Variants in PPM1M observed in about 807,000 individuals in gnomAD.
PPM1M encodes the protein protein phosphatase 1M.
A neutral mutation model predicts 50.8 loss-of-function variants in PPM1M; 44 were observed. The observed-to-expected ratio is 0.87, with a 90% CI of 0.68 to 1.11. PPM1M has a LOEUF of 1.11. Ranked by LOEUF, PPM1M falls within the 50% of genes most tolerant of loss-of-function variation. PPM1M has a pLI of 0.00. For missense variants in PPM1M, 556 were observed against 593.4 expected (o/e 0.94, Z 0.66); for synonymous variants, 224 against 242.9 (o/e 0.92, Z 0.72).
At position 52,249,792 on chromosome 3, in the gene PPM1M, G is replaced by A. The variant is rs61741651; in HGVS notation, c.1358G>A (p.Gly453Asp). The change falls in exon 10 of 10, where the codon GGC becomes GAC. Residue 453 changes from glycine to aspartate, a missense_variant. By Grantham distance (94) the Gly-to-Asp change is moderately conservative. Transcript: ENST00000323588. Reference protein sequence around the residue: ...SVFVIPLHSQGQESSDH With the variant: ...SVFVIPLHSQDQESSDH Reference sequence around the variant, plus strand: ...TTCGTGATTCCCTTGCACAGTCAGGGCCAAGAGAGCAGTGACCACTGAGGA... The same window carrying A: ...TTCGTGATTCCCTTGCACAGTCAGGACCAAGAGAGCAGTGACCACTGAGGA... 6.7e-4 allele frequency: 1,086 copies of A among 1,613,534 alleles called. 12 individuals are homozygous for A. In the African/African-American group the frequency reaches 0.013, roughly 20 times the overall value.
At chr3:52,248,906 T>G in intron 7 of PPM1M, 50 bp from the exon 8 acceptor site, 1 of 1,436,098 alleles carries the variant, frequency 7.0e-7, no homozygotes, top group South Asian at 1.2e-5. Flanking sequence ...CTGGTACTTG[T>G]GCATTTGCTG....
rs537596327 is a variant in PPM1M at position 52,250,105 on chromosome 3, G to C, written c.*291G>C. The C allele has an allele frequency of 5.5e-6, 2 of 365,690 alleles. No homozygotes were observed. The highest frequency in any genetic ancestry group is 8.2e-5 in the South Asian group (2 of 24,398). 22.7% of individuals were successfully genotyped at this position (365,690 alleles called of 1,614,324 possible). ...AAACCCATGTGAGGCTCCTCAGACA[G>C]GATCTTGAACAGCCCAAAGTATCAT... On this transcript the variant is annotated 3_prime_UTR_variant, in exon 10 of 10. Transcript: ENST00000323588.
Position 52,249,286 on chromosome 3 carries a change from G to A in PPM1M, c.1199G>A (p.Arg400Gln), listed in dbSNP as rs148260427. Reference sequence around the variant, plus strand: ...AACGAGCAGGTGGCATGGCTGGTGCGGAGCTTCCTCCCTGGGAACCAAGAG... The same window carrying A: ...AACGAGCAGGTGGCATGGCTGGTGCAGAGCTTCCTCCCTGGGAACCAAGAG... Reference protein sequence around the residue: ...LSNEQVAWLVRSFLPGNQEDP... With the variant: ...LSNEQVAWLVQSFLPGNQEDP... The change falls in exon 9 of 10, where the codon CGG becomes CAG. Residue 400 changes from arginine (R) to glutamine (Q), a missense_variant. Transcript: ENST00000323588. 1.9e-5 allele frequency: 30 copies of A among 1,611,280 alleles called. No individual in the cohort carries two copies. Among genetic ancestry groups the A allele is most frequent in the African/African-American group, 8.0e-5 (6 of 74,886 alleles).
Position 52,249,142 on chromosome 3 carries a change from G to T in PPM1M, c.1087-32G>T, listed in dbSNP as rs369019328. 6.8e-6 allele frequency: 11 copies of T among 1,612,732 alleles called. No homozygotes were observed. In the African/African-American group the frequency reaches 1.3e-4, roughly 20 times the overall value. On this transcript the variant is annotated intron_variant, in intron 8 of 9. Coordinates refer to ENST00000323588, the MANE Select transcript of PPM1M (RefSeq NM_144641.4). ...GTGAGGCTGGTGGGAGTCGGGAAGG[G>T]AGTGTGCAGGATCCTCAGGCTTAAT...
rs2107316371 is a variant in PPM1M at position 52,247,138 on chromosome 3, C to T, written c.507C>T (p.Ile169=). The T allele has an allele frequency of 6.2e-7, 1 of 1,611,642 alleles. No individual in the cohort carries two copies. Among genetic ancestry groups the T allele is most frequent in the Non-Finnish European group, 8.5e-7 (1 of 1,178,944 alleles). The change falls in exon 3 of 10, where the codon ATC becomes ATT. Residue 169 remains isoleucine, a synonymous_variant. Transcript: ENST00000323588. ...QPPMHLNGRC[I]CPSDPQFVEE... ...CCATGCACCTCAATGGCCGCTGCAT[C>T]TGCCCCAGTGACCCTCAGTTTGTGG...
Position 52,249,708 on chromosome 3 carries a change from A to C in PPM1M, c.1274A>C (p.Gln425Pro), listed in dbSNP as rs1418432725. 2.5e-6 allele frequency: 4 copies of C among 1,613,916 alleles called. No individual in the cohort carries two copies. Reference sequence around the variant, plus strand: ...GCCCAGATGCTGATACACAGCACACAGGGAAAGGAAGACAGTCTCACAGAG... The same window carrying C: ...GCCCAGATGCTGATACACAGCACACCGGGAAAGGAAGACAGTCTCACAGAG... ...KLAQMLIHST[Q>P]GKEDSLTEEG... The change falls in exon 10 of 10, where the codon CAG becomes CCG. Residue 425 changes from glutamine (Q) to proline (P), a missense_variant. Gln to Pro is a moderately conservative substitution (Grantham distance 76). Transcript: ENST00000323588.
intron 4 of PPM1M, 66 bp downstream of exon 4, chr3:52,247,860 G>A: frequency 1.9e-6 from 2 of 1,035,946 alleles, no homozygotes; most frequent in Non-Finnish European, 2.9e-6. Context: ...ATGGGGACAA[G>A]CAAAGGTGGC....
At position 52,247,775 on chromosome 3, in the gene PPM1M, G is replaced by T; in HGVS notation, c.691G>T (p.Ala231Ser). The T allele has an allele frequency of 6.9e-7, 1 of 1,458,664 alleles. No individual in the cohort carries two copies. The highest frequency in any genetic ancestry group is 1.8e-5 in the Admixed American group (1 of 54,070). 90.4% of individuals were successfully genotyped at this position (1,458,664 alleles called of 1,614,324 possible). Residue 231 changes from alanine to serine, a missense_variant, in exon 4 of 10, where the codon GCC becomes TCC. Ala to Ser is a moderately conservative substitution (Grantham distance 99). Coordinates refer to ENST00000323588, the MANE Select transcript of PPM1M (RefSeq NM_144641.4). ...AVSLQGKLYM[A>S]NAGDSRAILV... is the part of the protein sequence containing the mutation. ...GTCCCTGCAGGGAAAGCTGTACATGGCCAATGCTGGGGATAGCAGGTGAGT... is the reference window on the plus strand; with the variant it reads ...GTCCCTGCAGGGAAAGCTGTACATGTCCAATGCTGGGGATAGCAGGTGAGT...
rs777028350 is a variant in PPM1M, at chr3:52,249,254, A to G, written c.1167A>G (p.Val389=). The change falls in exon 9 of 10, where the codon GTA becomes GTG. Residue 389 remains valine, a synonymous_variant. Coordinates refer to ENST00000323588, the MANE Select transcript of PPM1M (RefSeq NM_144641.4). ...TGGCAACTGATGGACTCTGGGATGT[A>G]CTGTCCAACGAGCAGGTGGCATGGC... ...VVMATDGLWD[V]LSNEQVAWLV... The G allele has an allele frequency of 3.1e-6, 5 of 1,613,878 alleles. No individual in the cohort carries two copies. The highest frequency in any genetic ancestry group is 2.2e-5 in the South Asian group (2 of 91,022).
intron 7 of PPM1M, 117 bp from the exon 8 acceptor site, chr3:52,248,839 C>G: frequency 8.0e-7 from 1 of 1,242,778 alleles, no homozygotes; most frequent in African/African-American, 1.5e-5. Context: ...CTCTCTCAGT[C>G]CAAGGCTTCC....
chr3:52,246,559 A>T (rs534970577), intron 1 of PPM1M, 136 bp from the exon 2 acceptor site: 1 of 506,962 alleles, frequency 2.0e-6, no homozygotes, highest in African/African-American at 2.0e-5. Flanking sequence ...GTGGTTGTCT[A>T]AGTGTGTGTT....
intron 2 of PPM1M, 62 bp from the exon 3 acceptor site, chr3:52,246,912 G>A: frequency 5.3e-6 from 8 of 1,520,914 alleles, no homozygotes; most frequent in Non-Finnish European, 7.1e-6. Context: ...TCCTAGTTAG[G>A]TTGCGTCAGG....
chr3:52,248,900 T>C (rs1169777942), intron 7 of PPM1M, 56 bp from the exon 8 acceptor site: 1 of 1,395,502 alleles, frequency 7.2e-7, no homozygotes. Flanking sequence ...TAGGGCCTGG[T>C]ACTTGTGCAT....
chr3:52,247,902 T>A, intron 4 of PPM1M, 108 bp downstream of exon 4: 1 of 800,174 alleles, frequency 1.2e-6, no homozygotes, highest in Non-Finnish European at 2.1e-6. Context: ...AAGGATTGAC[T>A]GGCTGAATTG....
At chr3:52,247,490 C>T (rs2107317027) in intron 3 of PPM1M, 192 bp from the exon 4 acceptor site, 1 of 665,344 alleles carries the variant, frequency 1.5e-6, no homozygotes. Context: ...GCTGGTTTCT[C>T]TTCCTATTTT....
At chr3:52,247,934 G>T in intron 4 of PPM1M, 140 bp downstream of exon 4, 1 of 744,232 alleles carries the variant, frequency 1.3e-6, no homozygotes, top group African/African-American at 1.7e-5. Flanking sequence ...GTTATGTGTC[G>T]AGTGTGGACA....
In PPM1M at chr3:52,247,227, G is replaced by A. The variant is rs774222256; in HGVS notation, c.596G>A (p.Cys199Tyr). ...GCATTGGAGAGTGCCTTTCAGGAAT[G>A]TGTGAGTGTGTGGCTTTTGGCTGGG... ...IGALESAFQECDEVIGRELEA... is the reference protein window; with the variant it reads ...IGALESAFQEYDEVIGRELEA... The change falls in exon 3 of 10, where the codon TGT becomes TAT. Residue 199 changes from cysteine to tyrosine, a missense_variant and splice_region_variant. By Grantham distance (194) the Cys-to-Tyr change is radical. Coordinates refer to ENST00000323588, the MANE Select transcript of PPM1M (RefSeq NM_144641.4). The A allele has an allele frequency of 1.2e-6, 2 of 1,609,342 alleles. No homozygotes were observed. Among genetic ancestry groups the A allele is most frequent in the Non-Finnish European group, 1.7e-6 (2 of 1,177,436 alleles).
chr3:52,246,485 C>A, intron 1 of PPM1M: 1 of 618,958 alleles, frequency 1.6e-6, no homozygotes, highest in Non-Finnish European at 2.4e-6. Flanking sequence ...AGGTAGGCTC[C>A]AGAGGAGCTG....
chr3:52,249,806 G>A lies in PPM1M; in HGVS notation c.1372G>A (p.Asp458Asn). The change falls in exon 10 of 10, where the codon GAC becomes AAC. Residue 458 changes from aspartate to asparagine, a missense_variant. Coordinates refer to ENST00000323588, the MANE Select transcript of PPM1M (RefSeq NM_144641.4). ...PLHSQGQESS[D>N]H ...GCACAGTCAGGGCCAAGAGAGCAGTGACCACTGAGGATTCAGACACTGTAT... is the reference window on the plus strand; with the variant it reads ...GCACAGTCAGGGCCAAGAGAGCAGTAACCACTGAGGATTCAGACACTGTAT... 1 of 1,612,678 alleles carries A rather than the reference G, an allele frequency of 6.2e-7. No homozygotes were observed. The highest frequency in any genetic ancestry group is 8.5e-7 in the Non-Finnish European group (1 of 1,179,384).
Sources: allele counts gnomAD v4.1 joint callset, GRCh38; gene constraint gnomAD v4.1.1; transcripts MANE v1.5; gene names NCBI Gene and HGNC (gene_info 2026-07-23, HGNC 2026-07-21).